ENKUR: variants seen among roughly 807,000 people sequenced by gnomAD.
ENKUR encodes the protein enkurin.
A neutral mutation model predicts 27.6 loss-of-function variants in ENKUR; 19 were observed. That is an observed-to-expected ratio of 0.69 (90% CI 0.48 to 1.01). ENKUR has a LOEUF of 1.01. Among genes scored for constraint, ENKUR ranks in the 50% least tolerant of loss-of-function variants. ENKUR has a pLI of 0.00. For synonymous variants in ENKUR, 117 were observed against 96.9 expected, an observed-to-expected ratio of 1.21 and a Z score of -1.22; for missense variants, 312 against 310.5, an observed-to-expected ratio of 1.00 and a Z score of -0.04.
intron 1 of ENKUR, among the ~76,000 whole-genome samples, chr10:25,003,932 G>A (rs971609837): frequency 3.4e-4 from 51 of 152,106 alleles, no homozygotes; most frequent in African/African-American, 1.2e-3. Context: ...CAGTATTTTG[G>A]TTTCATGTTC....
chr10:24,995,256 A>G (rs1189897052), intron 3 of ENKUR, among the ~76,000 whole-genome samples: 2 of 152,178 alleles, frequency 1.3e-5, no homozygotes, highest in African/African-American at 4.8e-5. Flanking sequence ...TTCAGCTGCC[A>G]AGTTACTGCA....
rs1440450408 is a variant in ENKUR, at chr10:24,999,496, T to C, written c.128A>G (p.Lys43Arg). 3.7e-6 allele frequency: 6 copies of C among 1,612,960 alleles called. No individual in the cohort carries two copies. The highest frequency in any genetic ancestry group is 4.2e-6 in the Non-Finnish European group (5 of 1,179,620). ...TGGTCCCATAGTTTTCATTGCAGTT[T>C]TAGCTTTTTGCATGTCATCTTTTAC... The part of the protein sequence containing the change: ...ATVKDDMQKA[K>R]TAMKTMGPAK... Residue 43 changes from lysine (K) to arginine (R), a missense_variant, in exon 2 of 6, where the codon AAA becomes AGA. Physicochemically the swap from Lys to Arg is conservative, Grantham distance 26. Transcript: ENST00000331161.
intron 2 of ENKUR, among the ~76,000 whole-genome samples, chr10:25,028,636 T>G (rs957084132): frequency 2.6e-5 from 4 of 152,198 alleles, no homozygotes; most frequent in African/African-American, 9.6e-5. Context: ...TTCTTTATTC[T>G]CCAATCAAGA....
intron 2 of ENKUR, among the ~76,000 whole-genome samples, chr10:25,037,835 A>G (rs1010088475): frequency 2.0e-5 from 3 of 152,166 alleles, no homozygotes; most frequent in African/African-American, 7.2e-5. Context: ...TAGCATTTAT[A>G]TGCCGTTTAT....
intron 2 of ENKUR, chr10:25,024,193 T>TAA: frequency 6.2e-7 from 1 of 1,614,224 alleles, no homozygotes; most frequent in East Asian, 2.2e-5. Context: ...AAACTTTGCC[T>TAA]GCTCAAAAAT....
chr10:24,993,120 T>C (rs1849961702), intron 3 of ENKUR, among the ~76,000 whole-genome samples: 1 of 152,054 alleles, frequency 6.6e-6, no homozygotes, highest in Non-Finnish European at 1.5e-5. Context: ...ATAGTGAGAC[T>C]CCATCTCTAA....
At chr10:25,033,836 T>TATCC (rs891622026) in intron 2 of ENKUR, among the ~76,000 whole-genome samples, 2 of 79,710 alleles carry the variant, frequency 2.5e-5, no homozygotes, top group African/African-American at 7.0e-5. Context: ...TCTATCTATC[T>TATCC]ATCTATCTAT....
chr10:25,038,461 G>A (rs1034581205), intron 2 of ENKUR, among the ~76,000 whole-genome samples: 5 of 152,182 alleles, frequency 3.3e-5, no homozygotes, highest in African/African-American at 1.2e-4. Flanking sequence ...TATAGTGACA[G>A]CAAGCATCCT....
chr10:25,022,044 A>G (rs532782995), intron 2 of ENKUR: 1 of 152,292 alleles, frequency 6.6e-6, no homozygotes, highest in East Asian at 1.9e-4. Context: ...AGTATTTAAT[A>G]TGGTTTAGTT....
intron 2 of ENKUR, among the ~76,000 whole-genome samples, chr10:25,060,315 C>T (rs1195671863): frequency 6.6e-6 from 1 of 152,210 alleles, no homozygotes; most frequent in Non-Finnish European, 1.5e-5. Context: ...TGCTGGTCTC[C>T]ATTCTCATAA....
At chr10:25,016,238 T>C (rs1052499531), upstream of ENKUR, 55 of 1,037,692 alleles carry the variant, frequency 5.3e-5, no homozygotes, top group Admixed American at 2.6e-4. Flanking sequence ...TCTTCCCTCT[T>C]TCTGCAGCGC....
At chr10:25,024,128 C>T in intron 2 of ENKUR, 4 of 1,614,202 alleles carry the variant, frequency 2.5e-6, no homozygotes, top group Non-Finnish European at 3.4e-6. Flanking sequence ...TGTATCCATC[C>T]TGCAGACATA....
intron 2 of ENKUR, among the ~76,000 whole-genome samples, chr10:25,034,633 TAAAC>T (rs1333952529): frequency 1.3e-5 from 2 of 152,208 alleles, no homozygotes; most frequent in African/African-American, 2.4e-5. Context: ...ACATTATAGT[TAAAC>T]AACTGCCAAG....
At chr10:25,017,085 T>C (rs1425267152), upstream of ENKUR, among the ~76,000 whole-genome samples, 2 of 152,172 alleles carry the variant, frequency 1.3e-5, no homozygotes, top group African/African-American at 4.8e-5. Flanking sequence ...CGCCTGCTCT[T>C]CCCCGGGTCG....
intron 2 of ENKUR, chr10:25,024,481 ATAAT>A (rs1443078692): frequency 6.2e-7 from 1 of 1,614,102 alleles, no homozygotes; most frequent in African/African-American, 1.3e-5. Context: ...AAAAGCACAA[ATAAT>A]TGGCAGTCAG....
At chr10:25,009,510 G>A (rs1850390944) in intron 1 of ENKUR, among the ~76,000 whole-genome samples, 1 of 152,192 alleles carries the variant, frequency 6.6e-6, no homozygotes, top group South Asian at 2.1e-4. Context: ...TGTTGATAAG[G>A]TAGAGAAATA....
chr10:24,995,820 C>T lies in ENKUR; in HGVS notation c.273G>A (p.Lys91=), dbSNP rs954557790. The change falls in exon 3 of 6, where the codon AAG becomes AAA. Residue 91 remains lysine, a synonymous_variant. Coordinates refer to ENST00000331161, the MANE Select transcript of ENKUR (RefSeq NM_145010.4). ...NVPKKPAVPL[K]TDHPVMGIQS... is the part of the protein sequence containing the mutation. ...GTATTCCCATGACAGGATGATCAGT[C>T]TTCAATGGCACAGCAGGCTTTTTGG... 30 of 1,613,634 alleles carry T rather than the reference C, an allele frequency of 1.9e-5. No individual in the cohort carries two copies. The highest frequency in any genetic ancestry group is 2.3e-5 in the Non-Finnish European group (27 of 1,179,942).
intron 3 of ENKUR, 96 bp from the exon 4 acceptor site, chr10:24,990,705 C>T (rs1399790088): frequency 1.6e-6 from 2 of 1,235,288 alleles, no homozygotes; most frequent in Non-Finnish European, 2.2e-6. Flanking sequence ...AGAAATGGTA[C>T]AGACTAAATC....
At chr10:25,051,068 C>G (rs980956793) in intron 2 of ENKUR, among the ~76,000 whole-genome samples, 2 of 151,954 alleles carry the variant, frequency 1.3e-5, no homozygotes, top group African/African-American at 4.8e-5. Context: ...TTTATGTATC[C>G]TTGGAACTTA....
Sources: gnomAD v4.1 joint callset for allele counts (sites outside exome capture counted in the v4.1 genomes callset) on GRCh38, gnomAD v4.1.1 for gene constraint, MANE v1.5 for transcripts, NCBI Gene and HGNC (gene_info 2026-07-23, HGNC 2026-07-21) for gene names.